The following THY1 variants were observed in gnomAD, a reference collection of about 807,000 sequenced individuals.
THY1 encodes thy-1 membrane glycoprotein.
Under a neutral mutation model 14.9 loss-of-function variants are expected in THY1, and 10 were observed. That is an observed-to-expected ratio of 0.67 (90% CI 0.41 to 1.14). The LOEUF (loss-of-function observed/expected upper bound fraction) is 1.14, where lower values mean the gene tolerates loss of function less well. Ranked by LOEUF, THY1 falls within the 50% of genes most tolerant of loss-of-function variation. The pLI, the probability that THY1 is intolerant of heterozygous loss-of-function variation, is 0.00. For synonymous variants in THY1, 80 were observed against 90.0 expected (o/e 0.89, Z 0.63); for missense variants, 159 against 202.1 (o/e 0.79, Z 1.29).
rs545981544 is a variant in THY1 at position 119,418,714 on chromosome 11, C to G, written c.*694G>C. ...CTTTACCTCCTTCTCCAACCCTCCA[C>G]TAGCGCTGCTTTCCTGGTCAAACCT... is the stretch of plus-strand genomic sequence containing the variant. On this transcript the variant is annotated 3_prime_UTR_variant, in exon 4 of 4. Transcript: ENST00000284240. The G allele has an allele frequency of 1.2e-4, 19 of 153,582 alleles. No individual in the cohort carries two copies. The highest frequency in any genetic ancestry group is 4.6e-4 in the African/African-American group (19 of 41,588). The allele number at this position is 153,582 out of a possible 1,614,324, so 9.5% of individuals were successfully genotyped here. A position where few individuals can be genotyped will look rare whatever the true frequency, so the allele number is the denominator to read the frequency against.
rs1476851969 is a variant in THY1 at position 119,417,168 on chromosome 11, C to T, written c.*2240G>A. On this transcript the variant is annotated 3_prime_UTR_variant, in exon 4 of 4. Coordinates refer to ENST00000284240, the MANE Select transcript of THY1 (RefSeq NM_006288.5). ...ATGCCTTTCCTTGGCACGGCGCTTG[C>T]AGCCCAAGCAGGGCTGAAGGAGAGG... 6.6e-6 allele frequency among the ~76,000 whole-genome samples: 1 copy of T among 152,234 alleles called. No homozygotes were observed. The highest frequency in any genetic ancestry group is 6.5e-5 in the Admixed American group (1 of 15,286).
rs201203569 is a variant in THY1, at chr11:119,420,320, C to A, written c.104G>T (p.Arg35Leu). ...GGTATTCTCATGGCGGCAGTCCAGA[C>A]GAAGGCTCTGGTCCACTAGGCAGGC... ...LTACLVDQSL[R>L]LDCRHENTSS... Residue 35 changes from arginine to leucine, a missense_variant, in exon 3 of 4, where the codon CGT becomes CTT. By Grantham distance (102) the Arg-to-Leu change is moderately radical (BLOSUM62 -2). Transcript: ENST00000284240. 6.2e-7 allele frequency: 1 copy of A among 1,614,048 alleles called. No individual in the cohort carries two copies. Among genetic ancestry groups the A allele is most frequent in the Non-Finnish European group, 8.5e-7 (1 of 1,180,044 alleles).
Position 119,419,466 on chromosome 11 carries a change from A to C in THY1, c.428T>G (p.Leu143Arg), listed in dbSNP as rs1300833915. Reference protein sequence around the residue: ...ISLLAQNTSWLLLLLLSLSLL... With the variant: ...ISLLAQNTSWRLLLLLSLSLL... Reference sequence around the variant, plus strand: ...GGAGAGGGAGAGCAGGAGCAGCAGCAGCCACGAGGTGTTCTGAGCCAGCAG... The same window carrying C: ...GGAGAGGGAGAGCAGGAGCAGCAGCCGCCACGAGGTGTTCTGAGCCAGCAG... Residue 143 changes from leucine (L) to arginine (R), a missense_variant, in exon 4 of 4, where the codon CTG becomes CGG. Leu to Arg is a moderately radical substitution (Grantham distance 102). Transcript: ENST00000284240. 6.2e-7 allele frequency: 1 copy of C among 1,613,850 alleles called. No homozygotes were observed. Among genetic ancestry groups the C allele is most frequent in the Non-Finnish European group, 8.5e-7 (1 of 1,180,026 alleles).
At chr11:119,419,812 G>T in intron 3 of THY1, 1 of 608,914 alleles carries the variant, frequency 1.6e-6, no homozygotes, top group Non-Finnish European at 2.9e-6. Context: ...AGGAAGATTA[G>T]GGAGGCCAAA....
chr11:119,419,552 TAGGA>T lies in THY1; in HGVS notation c.374-36_374-33del, dbSNP rs751523324. On this transcript the variant is annotated intron_variant, in intron 3 of 3. Transcript: ENST00000284240. ...AAAGAGAAGGGGGCCGGGGGCAGGG[TAGGA>T]AGGAAGACGGATCAGGACTCAGGCA... 1.5e-5 allele frequency: 23 copies of T among 1,582,314 alleles called. No homozygotes were observed. In the African/African-American group the frequency reaches 3.0e-4, roughly 20 times the overall value.
upstream of THY1, among the ~76,000 whole-genome samples, chr11:119,424,558 C>T (rs1861981499): frequency 6.6e-6 from 1 of 152,142 alleles, no homozygotes; most frequent in African/African-American, 2.4e-5. Flanking sequence ...ATGGAACACT[C>T]TAACTGGAAT....
rs1158553114 is a variant in THY1 at position 119,422,798 on chromosome 11, T to G, written c.-25+315A>C. ...CGAGCTGGGTTTGGGGACGTCTGGG[T>G]GGAATGTAGACCCACAGGCTGTCCT... On this transcript the variant is annotated intron_variant, in intron 1 of 3. Coordinates refer to ENST00000284240, the MANE Select transcript of THY1 (RefSeq NM_006288.5). This position sits in a 1 kb window ranked among gnomAD's most constrained non-coding sequence, Gnocchi z 7.0. 6.6e-6 allele frequency among the ~76,000 whole-genome samples: 1 copy of G among 152,078 alleles called. No homozygotes were observed. Among genetic ancestry groups the G allele is most frequent in the Non-Finnish European group, 1.5e-5 (1 of 68,024 alleles).
In THY1 at chr11:119,420,382, C is replaced by T. The variant is rs372356319; in HGVS notation, c.42G>A (p.Leu14=). 2 of 1,607,552 alleles carry T rather than the reference C, an allele frequency of 1.2e-6. No individual in the cohort carries two copies. The highest frequency in any genetic ancestry group is 2.2e-5 in the East Asian group (1 of 44,840). Residue 14 remains leucine, a synonymous_variant, in exon 3 of 4, where the codon TTG becomes TTA. Coordinates refer to ENST00000284240, the MANE Select transcript of THY1 (RefSeq NM_006288.5). ...TCACCTTCTGCCCTCGGGAGACCTGCAAGACTGGCACCAGCAGTGCCTCCT... is the reference window on the plus strand; with the variant it reads ...TCACCTTCTGCCCTCGGGAGACCTGTAAGACTGGCACCAGCAGTGCCTCCT... ...AISIALLLTV[L]QVSRGQKVTS... is the part of the protein sequence containing the mutation.
rs1861799054 is a variant in THY1, at chr11:119,417,393, G to A, written c.*2015C>T. On this transcript the variant is annotated 3_prime_UTR_variant, in exon 4 of 4. Coordinates refer to ENST00000284240, the MANE Select transcript of THY1 (RefSeq NM_006288.5). ...GCCGGTGGCATAATTTAGATCTGAG[G>A]CCTTTAAGAAAAATGCTCAGAAACA... 6.6e-6 allele frequency: 1 copy of A among 152,210 alleles called. No homozygotes were observed. Among genetic ancestry groups the A allele is most frequent in the Admixed American group, 6.5e-5 (1 of 15,282 alleles). The allele number at this position is 152,210 out of a possible 1,614,324, so 9.4% of individuals were successfully genotyped here. A position where few individuals can be genotyped will look rare whatever the true frequency, so the allele number is the denominator to read the frequency against.
At position 119,420,195 on chromosome 11, in the gene THY1, G is replaced by A; in HGVS notation, c.229C>T (p.Arg77Ter). The A allele has an allele frequency of 2.5e-6, 4 of 1,614,234 alleles. No individual in the cohort carries two copies. Among genetic ancestry groups the A allele is most frequent in the Non-Finnish European group, 3.4e-6 (4 of 1,180,044 alleles). ...TTGTATTTGCTGGTGAAGTTGGTTC[G>A]GGAGCGGTATGTGTGCTCAGGCACC... Reference protein sequence around the residue: ...VGVPEHTYRSRTNFTSKYNMK... With the variant: ...VGVPEHTYRS Residue 77 changes from arginine (R) to a stop codon, truncating the protein, a stop_gained, in exon 3 of 4, where the codon CGA becomes TGA. Transcript: ENST00000284240. LOFTEE classifies it high-confidence loss of function.
chr11:119,421,988 C>G (rs534369814), intron 1 of THY1: 2 of 152,256 alleles, frequency 1.3e-5, no homozygotes, highest in Admixed American at 6.5e-5. Flanking sequence ...GGCGAGGCGA[C>G]GCGGAGCCGG....
At chr11:119,423,213 G>A, upstream of THY1, 1 of 453,032 alleles carries the variant, frequency 2.2e-6, no homozygotes. Flanking sequence ...GGGGATGGAG[G>A]AGAGGGGGAG....
At position 119,419,208 on chromosome 11, in the gene THY1, A is replaced by G. The variant is rs779414376; in HGVS notation, c.*200T>C. On this transcript the variant is annotated 3_prime_UTR_variant, in exon 4 of 4. Coordinates refer to ENST00000284240, the MANE Select transcript of THY1 (RefSeq NM_006288.5). ...GAACAAAAAGTACAAAAAGACAGCC[A>G]GAGGTGTGCGGAGAGGGTGAGGTGG... The G allele has an allele frequency of 1.5e-4, 96 of 641,698 alleles. No homozygotes were observed. The highest frequency in any genetic ancestry group is 1.2e-5 in the Non-Finnish European group (4 of 342,038). The allele number at this position is 641,698 out of a possible 1,614,324, so 39.8% of individuals were successfully genotyped here.
At position 119,416,761 on chromosome 11, in the gene THY1, G is replaced by A. The variant is rs1289751517; in HGVS notation, c.*2647C>T. On this transcript the variant is annotated 3_prime_UTR_variant, in exon 4 of 4. Coordinates refer to ENST00000284240, the MANE Select transcript of THY1 (RefSeq NM_006288.5). ...CATGAGCCACTGTGCCCATCTCTGG[G>A]TAGGTTTGCGTTGTGAGGCCTGATG... is the stretch of plus-strand genomic sequence containing the variant. Among the ~76,000 whole-genome samples, 1 of 152,236 alleles carries A rather than the reference G, an allele frequency of 6.6e-6. No homozygotes were observed. The highest frequency in any genetic ancestry group is 1.5e-5 in the Non-Finnish European group (1 of 68,040).
Position 119,419,150 on chromosome 11 carries a change from A to G in THY1, c.*258T>C. 2.1e-6 allele frequency: 1 copy of G among 484,326 alleles called. No homozygotes were observed. Among genetic ancestry groups the G allele is most frequent in the Non-Finnish European group, 3.9e-6 (1 of 259,118 alleles). The allele number at this position is 484,326 out of a possible 1,614,324, so 30.0% of individuals were successfully genotyped here. A position where few individuals can be genotyped will look rare whatever the true frequency, so the allele number is the denominator to read the frequency against. ...CGAACTCTCAAAGAAAAGGAAGGAT[A>G]AAACCTAAATAAACCAGACAGAAGC... On this transcript the variant is annotated 3_prime_UTR_variant, in exon 4 of 4. Coordinates refer to ENST00000284240, the MANE Select transcript of THY1 (RefSeq NM_006288.5).
At chr11:119,420,000 C>G (rs1326152225) in intron 3 of THY1, 51 bp downstream of exon 3, 1 of 1,560,892 alleles carries the variant, frequency 6.4e-7, no homozygotes, top group South Asian at 1.2e-5. Flanking sequence ...GCCTGCTGTC[C>G]CCGAGCCTGG....
At position 119,422,327 on chromosome 11, in the gene THY1, A is replaced by C. The variant is rs1759485151; in HGVS notation, c.-25+786T>G. ...TGCGGGCTTGGGATCTAGGAGGGGA[A>C]GGGGGAGCAATGGCCAGAGCAAGAA... On this transcript the variant is annotated intron_variant, in intron 1 of 3. Transcript: ENST00000284240. This position sits in a 1 kb window ranked among gnomAD's most constrained non-coding sequence, Gnocchi z 7.0. 1 of 152,290 alleles carries C rather than the reference A, an allele frequency of 6.6e-6. No individual in the cohort carries two copies. Among genetic ancestry groups the C allele is most frequent in the Non-Finnish European group, 1.5e-5 (1 of 68,148 alleles). 9.4% of individuals were successfully genotyped at this position (152,290 alleles called of 1,614,324 possible).
At chr11:119,423,861 A>C (rs751747255), upstream of THY1, 4 of 152,844 alleles carry the variant, frequency 2.6e-5, no homozygotes, top group African/African-American at 4.8e-5. Flanking sequence ...CTTCTGGTCC[A>C]GACAGCTGGA....
At position 119,422,916 on chromosome 11, in the gene THY1, C is replaced by A. The variant is rs1039990259; in HGVS notation, c.-25+197G>T. On this transcript the variant is annotated intron_variant, in intron 1 of 3. Coordinates refer to ENST00000284240, the MANE Select transcript of THY1 (RefSeq NM_006288.5). The surrounding 1 kb of genome is among the most constrained non-coding windows in gnomAD (Gnocchi z 7.0). The stretch of plus-strand genomic sequence containing the variant: ...CGGGAGCGCCTTCCCCGAAAGACAT[C>A]AGGGTGCCACGCGGCCCCTGCCCTG... Among the ~76,000 whole-genome samples the A allele has an allele frequency of 6.8e-4, 103 of 152,368 alleles. No homozygotes were observed. Among genetic ancestry groups the A allele is most frequent in the East Asian group, 9.7e-4 (5 of 5,180 alleles).
Sources: gnomAD v4.1 joint callset for allele counts (sites outside exome capture counted in the v4.1 genomes callset) on GRCh38, gnomAD v4.1.1 for gene constraint, Gnocchi (gnomAD v3.1) non-coding constraint, MANE v1.5 for transcripts, NCBI Gene and HGNC (gene_info 2026-07-23, HGNC 2026-07-21) for gene names.